The following MNDA variants were observed in gnomAD, a reference collection of about 807,000 sequenced individuals.
MNDA encodes epididymis secretory sperm binding protein.
MNDA carries 43 observed loss-of-function variants against 37.8 expected under a neutral mutation model. The ratio of observed to expected loss-of-function variants is 1.14; its 90% CI spans 0.89 to 1.47. The LOEUF is 1.47. Ranked by LOEUF, MNDA falls within the 40% of genes most tolerant of loss-of-function variation. MNDA has a pLI of 0.00. For synonymous variants in MNDA, 181 were observed against 169.0 expected, an observed-to-expected ratio of 1.07 and a Z score of -0.55; for missense variants, 536 against 476.0, an observed-to-expected ratio of 1.13 and a Z score of -1.17.
chr1:158,834,077 G>A (rs1167371217), intron 1 of MNDA, among the ~76,000 whole-genome samples: 1 of 151,852 alleles, frequency 6.6e-6, no homozygotes. Flanking sequence ...CCGATGTTTT[G>A]TGCATGTATG....
chr1:158,845,502 A>C, intron 4 of MNDA, 85 bp from the exon 5 acceptor site: 2 of 1,380,480 alleles, frequency 1.4e-6, no homozygotes, highest in Non-Finnish European at 2.0e-6. Flanking sequence ...GGCTTCCCAA[A>C]GTGCTAGGAT....
intron 1 of MNDA, among the ~76,000 whole-genome samples, chr1:158,837,812 T>G (rs1268299330): frequency 4.6e-5 from 7 of 151,572 alleles, no homozygotes; most frequent in African/African-American, 1.7e-4. Flanking sequence ...CTTAGTGACT[T>G]CTTTTTGTTG....
At chr1:158,834,443 A>G (rs930614940) in intron 1 of MNDA, among the ~76,000 whole-genome samples, 7 of 151,736 alleles carry the variant, frequency 4.6e-5, no homozygotes, top group Non-Finnish European at 1.0e-4. Context: ...GTGTTTATCA[A>G]TTTTTATCAC....
At chr1:158,835,624 G>T (rs1324802248) in intron 1 of MNDA, among the ~76,000 whole-genome samples, 3 of 109,936 alleles carry the variant, frequency 2.7e-5, no homozygotes, top group African/African-American at 7.1e-5. Context: ...GTGGGGGCGG[G>T]GGGTGGGTGT....
At position 158,847,843 on chromosome 1, in the gene MNDA, G is replaced by A. The variant is rs142597301; in HGVS notation, c.1103G>A (p.Arg368Gln). Reference protein sequence around the residue: ...NIKCEKGDKLRLFCLQLRTVD... With the variant: ...NIKCEKGDKLQLFCLQLRTVD... ...AAGTGTGAGAAAGGAGATAAACTTC[G>A]ACTCTTCTGCCTTCAACTGAGAACA... The change falls in exon 6 of 7, where the codon CGA (arginine) becomes CAA (glutamine). Residue 368 changes from arginine to glutamine, a missense_variant. By Grantham distance (43) the Arg-to-Gln change is conservative. Transcript: ENST00000368141. 101 of 1,613,878 alleles carry A rather than the reference G, an allele frequency of 6.3e-5. No homozygotes were observed. The highest frequency in any genetic ancestry group is 1.8e-4 in the Admixed American group (11 of 59,994).
At chr1:158,837,010 G>T (rs1456274803) in intron 1 of MNDA, among the ~76,000 whole-genome samples, 1 of 151,558 alleles carries the variant, frequency 6.6e-6, no homozygotes, top group African/African-American at 2.4e-5. Context: ...GAATTTTCTA[G>T]TTTTCTTTCT....
intron 4 of MNDA, 63 bp downstream of exon 4, chr1:158,844,185 T>G: frequency 2.3e-6 from 3 of 1,288,298 alleles, no homozygotes; most frequent in Non-Finnish European, 3.2e-6. Context: ...ATTCCACTGT[T>G]ACTATTGTTA....
intron 2 of MNDA, 142 bp from the exon 3 acceptor site, chr1:158,843,137 T>C: frequency 1.0e-6 from 1 of 979,558 alleles, no homozygotes. Context: ...GGAGCCAGGC[T>C]GGGTTAATGC....
chr1:158,844,189 A>C, intron 4 of MNDA, 67 bp downstream of exon 4: 1 of 1,284,448 alleles, frequency 7.8e-7, no homozygotes, highest in Non-Finnish European at 1.1e-6. Context: ...CACTGTTACT[A>C]TTGTTACTCT....
In MNDA at chr1:158,845,882, T is replaced by G; in HGVS notation, c.866T>G (p.Phe289Cys). 6.2e-7 allele frequency: 1 copy of G among 1,614,158 alleles called. No homozygotes were observed. Among genetic ancestry groups the G allele is most frequent in the South Asian group, 1.1e-5 (1 of 91,084 alleles). The change falls in exon 5 of 7, where the codon TTT (phenylalanine) becomes TGT (cysteine). Residue 289 changes from phenylalanine (F) to cysteine (C), a missense_variant. Coordinates refer to ENST00000368141, the MANE Select transcript of MNDA (RefSeq NM_002432.3). The stretch of plus-strand genomic sequence containing the variant: ...AAGGAAGCATCATCTGTGTCTGACT[T>G]TAATCAAAATTTTGAGGTCCCAAAC... ...EIKEASSVSDFNQNFEVPNRI... is the reference protein window; with the variant it reads ...EIKEASSVSDCNQNFEVPNRI...
At chr1:158,842,097 T>A (rs1659037958) in intron 1 of MNDA, 37 bp from the exon 2 acceptor site, 1 of 1,520,700 alleles carries the variant, frequency 6.6e-7, no homozygotes, top group Non-Finnish European at 8.8e-7. Context: ...ATTGTCTGCA[T>A]AAATGTGTAA....
chr1:158,849,121 G>A, intron 6 of MNDA, 69 bp from the exon 7 acceptor site: 3 of 1,202,876 alleles, frequency 2.5e-6, no homozygotes, highest in African/African-American at 1.5e-5. Context: ...CAGGTGAAAG[G>A]AGAACTATAA....
chr1:158,831,893 A>G (rs1369574090), intron 1 of MNDA, among the ~76,000 whole-genome samples: 1 of 152,182 alleles, frequency 6.6e-6, no homozygotes, highest in Non-Finnish European at 1.5e-5. Flanking sequence ...GTTAAAAGAC[A>G]AGACAGTCAG....
chr1:158,837,293 T>C lies in MNDA; in HGVS notation c.-20-4841T>C, dbSNP rs546571167. On this transcript the variant is annotated intron_variant, in intron 1 of 6. Transcript: ENST00000368141. Reference sequence around the variant, plus strand: ...TTCTGTCAGATTGTTCTACCTATTATTGAAAGTGGAACATTAAAGTCTCTT... The same window carrying C: ...TTCTGTCAGATTGTTCTACCTATTACTGAAAGTGGAACATTAAAGTCTCTT... 3.3e-5 allele frequency among the ~76,000 whole-genome samples: 5 copies of C among 151,970 alleles called. No individual in the cohort carries two copies. The East Asian group carries it at 7.7e-4, about 23-fold the overall frequency.
chr1:158,848,343 C>A (rs1251806061), intron 6 of MNDA, among the ~76,000 whole-genome samples: 5 of 152,138 alleles, frequency 3.3e-5, no homozygotes, highest in Admixed American at 6.5e-5. Flanking sequence ...AATTATCTCA[C>A]AACCTGGCAC....
At chr1:158,841,085 T>C (rs551822725) in intron 1 of MNDA, among the ~76,000 whole-genome samples, 33 of 152,058 alleles carry the variant, frequency 2.2e-4, no homozygotes, top group Admixed American at 5.2e-4. Flanking sequence ...TCGCAGAAGA[T>C]AAAGCCTCAA....
In MNDA at chr1:158,847,927, GA is replaced by G; in HGVS notation, c.1176+12del. ...CACAGCTTCATCAAGGTGGGAACTG[GA>G]TAGAGGAGAATGAGTTTGCTAAAGA... is the stretch of plus-strand genomic sequence containing the variant. On this transcript the variant is annotated intron_variant, in intron 6 of 6. Coordinates refer to ENST00000368141, the MANE Select transcript of MNDA (RefSeq NM_002432.3). 6.2e-7 allele frequency: 1 copy of G among 1,605,476 alleles called. No individual in the cohort carries two copies.
intron 4 of MNDA, among the ~76,000 whole-genome samples, chr1:158,845,311 C>G (rs1257413949): frequency 6.6e-6 from 1 of 152,186 alleles, no homozygotes; most frequent in Admixed American, 6.5e-5. Context: ...GATCTGGTCT[C>G]ACTGCAAGCT....
At chr1:158,837,193 G>A (rs769499094) in intron 1 of MNDA, among the ~76,000 whole-genome samples, 2 of 151,726 alleles carry the variant, frequency 1.3e-5, no homozygotes, top group Non-Finnish European at 3.0e-5. Flanking sequence ...TTACTGTTTT[G>A]GATATATCTG....
Sources: allele counts gnomAD v4.1 joint callset (sites outside exome capture counted in the v4.1 genomes callset), GRCh38; gene constraint gnomAD v4.1.1; transcripts MANE v1.5; gene names NCBI Gene and HGNC (gene_info 2026-07-23, HGNC 2026-07-21).